The following GNL3L variants were observed in gnomAD, a reference collection of about 807,000 sequenced individuals.
GNL3L encodes the protein guanine nucleotide-binding protein-like 3-like protein.
GNL3L carries 4 observed loss-of-function variants against 42.9 expected under a neutral mutation model. The observed-to-expected ratio is 0.09, with a 90% confidence interval of 0.05 to 0.21. GNL3L has a LOEUF of 0.21. GNL3L is among the 10% of genes least tolerant of loss of function. The pLI is 1.00. For synonymous variants in GNL3L, 159 were observed against 176.3 expected, an observed-to-expected ratio of 0.90 and a Z score of 0.78; for missense variants, 412 against 481.7, an observed-to-expected ratio of 0.86 and a Z score of 1.36.
chrX:54,543,552 G>A lies in GNL3L; in HGVS notation c.526+210G>A, dbSNP rs1441923355. Among the ~76,000 whole-genome samples the A allele has an allele frequency of 3.6e-5, 4 of 111,958 alleles. No homozygotes were observed. The Admixed American group carries it at 3.8e-4, about 11-fold the overall frequency. ...AAGCCTGTCTGCCTTTCAGTCCCCTGTTCTTGCCATTTTGAGCCTTCTCTG... is the reference window on the plus strand; with the variant it reads ...AAGCCTGTCTGCCTTTCAGTCCCCTATTCTTGCCATTTTGAGCCTTCTCTG... On this transcript the variant is annotated intron_variant, in intron 7 of 15. Transcript: ENST00000360845.
the GNL3L span, among the ~76,000 whole-genome samples, chrX:54,637,847 G>A: frequency 7.2e-5 from 8 of 111,338 alleles, no homozygotes; most frequent in South Asian, 7.6e-4. Flanking sequence ...AGAAAATGGC[G>A]TCTAGCATTT....
chrX:54,636,292 G>A, the GNL3L span, among the ~76,000 whole-genome samples: 1 of 112,321 alleles, frequency 8.9e-6, no homozygotes, highest in Non-Finnish European at 1.9e-5. Context: ...GACCATGACT[G>A]CACTGGAGAG....
Position 54,562,048 on chromosome X carries a change from C to T in GNL3L, c.*1446C>T, listed in dbSNP as rs188224804. Among the ~76,000 whole-genome samples, 342 of 112,051 alleles carry T rather than the reference C, an allele frequency of 3.1e-3. No individual in the cohort carries two copies. Among genetic ancestry groups the T allele is most frequent in the African/African-American group, 0.01 (324 of 30,878 alleles). ...CCAAACTTCCACACCATCCTTCGAC[C>T]CACAGCTGCACCTTTATTTATTTAT... On this transcript the variant is annotated 3_prime_UTR_variant, in exon 16 of 16. Coordinates refer to ENST00000360845, the MANE Select transcript of GNL3L (RefSeq NM_001184819.2).
intron 2 of GNL3L, among the ~76,000 whole-genome samples, chrX:54,535,969 C>A (rs1224142126): frequency 2.8e-5 from 3 of 108,508 alleles, no homozygotes; most frequent in African/African-American, 1.0e-4. Flanking sequence ...GCTGTGTTGC[C>A]CAGGCTGGAG....
At chrX:54,603,212 A>G (rs1216834481) in intron 16 of GNL3L, among the ~76,000 whole-genome samples, 1 of 111,598 alleles carries the variant, frequency 9.0e-6, no homozygotes, top group Non-Finnish European at 1.9e-5. Context: ...AATAGTATTA[A>G]TATAACTCAT....
In GNL3L at chrX:54,551,020, G is replaced by A; in HGVS notation, c.833G>A (p.Cys278Tyr). 1 of 1,142,235 alleles carries A rather than the reference G, an allele frequency of 8.8e-7. No individual in the cohort carries two copies. Among genetic ancestry groups the A allele is most frequent in the Non-Finnish European group, 1.2e-6 (1 of 831,996 alleles). 94.1% of individuals were successfully genotyped at this position (1,142,235 alleles called of 1,213,427 possible). The change falls in exon 10 of 16, where the codon TGC (cysteine) becomes TAC (tyrosine). Residue 278 changes from cysteine to tyrosine, a missense_variant. By Grantham distance (194) the Cys-to-Tyr change is radical. Transcript: ENST00000360845. ...LINSLKRSRA[C>Y]SVGAVPGITK... ...AATAGCCTGAAGCGCAGCCGCGCAT[G>A]CAGCGTGGGAGCTGTTCCTGGAATT...
the GNL3L span, among the ~76,000 whole-genome samples, chrX:54,630,740 C>CT: frequency 3.1e-5 from 1 of 32,686 alleles, no homozygotes; most frequent in Non-Finnish European, 4.9e-5. Flanking sequence ...TTCTTTCTTT[C>CT]TCTTTCTTTC....
chrX:54,633,980 A>C, the GNL3L span, among the ~76,000 whole-genome samples: 2 of 112,663 alleles, frequency 1.8e-5, no homozygotes, highest in African/African-American at 6.4e-5. Context: ...TCTGGTGCGA[A>C]ATCAACTGTC....
the GNL3L span, among the ~76,000 whole-genome samples, chrX:54,642,464 C>T: frequency 5.4e-5 from 6 of 111,527 alleles, no homozygotes; most frequent in Non-Finnish European, 1.1e-4. Context: ...GCTACATTGG[C>T]CTCTGTTTCC....
In GNL3L at chrX:54,548,707, A is replaced by C. The variant is rs193281561; in HGVS notation, c.775+334A>C. On this transcript the variant is annotated intron_variant, in intron 9 of 15. Coordinates refer to ENST00000360845, the MANE Select transcript of GNL3L (RefSeq NM_001184819.2). Reference sequence around the variant, plus strand: ...GACTTTTGGAGCCCAGCCCTGTGCAAGACAAGGCAGAGCTGAGGATCAAAA... The same window carrying C: ...GACTTTTGGAGCCCAGCCCTGTGCACGACAAGGCAGAGCTGAGGATCAAAA... Among the ~76,000 whole-genome samples, 21 of 111,013 alleles carry C rather than the reference A, an allele frequency of 1.9e-4. No homozygotes were observed. In the East Asian group the frequency reaches 6.0e-3, roughly 31 times the overall value.
chrX:54,617,623 C>T lies in GNL3L; in HGVS notation c.*46-3222C>T, dbSNP rs181687615. ...AAATTCATATGTTGAAACCTAACCT[C>T]CAAGGTGATGGAATTAAGAGGTATA... On this transcript the variant is annotated intron_variant, in intron 16 of 16. Coordinates refer to the GNL3L transcript ENST00000674498. Among the ~76,000 whole-genome samples the T allele has an allele frequency of 3.6e-5, 4 of 111,842 alleles. No homozygotes were observed. In the East Asian group the frequency reaches 1.1e-3, roughly 31 times the overall value.
chrX:54,596,227 A>G (rs144091671), intron 16 of GNL3L, among the ~76,000 whole-genome samples: 3,024 of 111,729 alleles, frequency 0.027, 108 homozygotes, highest in African/African-American at 0.094. Context: ...GGCTTTCCAG[A>G]TATTTAAAAG....
chrX:54,590,159 T>C (rs1376375921), intron 16 of GNL3L, among the ~76,000 whole-genome samples: 1 of 111,234 alleles, frequency 9.0e-6, no homozygotes, highest in Non-Finnish European at 1.9e-5. Context: ...AGGCTGGTCT[T>C]GAACTCCTGA....
chrX:54,556,874 GGTT>G (rs1348018569), intron 14 of GNL3L, among the ~76,000 whole-genome samples: 7 of 111,122 alleles, frequency 6.3e-5, no homozygotes, highest in Non-Finnish European at 5.7e-5. Context: ...TCTTTAGCCT[GGTT>G]GTTTCCTGAA....
intron 16 of GNL3L, among the ~76,000 whole-genome samples, chrX:54,600,741 G>A (rs1303940245): frequency 9.0e-6 from 1 of 111,053 alleles, no homozygotes; most frequent in Non-Finnish European, 1.9e-5. Flanking sequence ...GGAGACGTTG[G>A]AGTTCCTTGT....
intron 16 of GNL3L, among the ~76,000 whole-genome samples, chrX:54,591,306 A>G (rs902482955): frequency 9.1e-6 from 1 of 110,351 alleles, no homozygotes; most frequent in Non-Finnish European, 1.9e-5. Context: ...AAATGAGTTC[A>G]CTTAGGCGGG....
At chrX:54,535,884 T>G (rs924128882) in intron 2 of GNL3L, among the ~76,000 whole-genome samples, 3 of 110,779 alleles carry the variant, frequency 2.7e-5, no homozygotes, top group Non-Finnish European at 5.7e-5. Flanking sequence ...TGCCTCAGCC[T>G]CCTGAGTAGC....
At chrX:54,620,126 A>G (rs917334544) in intron 16 of GNL3L, among the ~76,000 whole-genome samples, 7 of 111,733 alleles carry the variant, frequency 6.3e-5, no homozygotes, top group African/African-American at 2.3e-4. Flanking sequence ...TGTTACAAAC[A>G]ATACAATTAT....
At chrX:54,544,379 A>G in intron 8 of GNL3L, 53 bp downstream of exon 8, 1 of 622,792 alleles carries the variant, frequency 1.6e-6, no homozygotes, top group Non-Finnish European at 2.6e-6. Flanking sequence ...TTGGGGCCAG[A>G]GCTGGGAGGG....
Sources: allele counts gnomAD v4.1 joint callset (sites outside exome capture counted in the v4.1 genomes callset), GRCh38; gene constraint gnomAD v4.1.1; transcripts MANE v1.5; gene names NCBI Gene and HGNC (gene_info 2026-07-23, HGNC 2026-07-21).